Variants in CTNNA2 observed in about 807,000 individuals in gnomAD.
The protein encoded by CTNNA2 is catenin alpha 2.
Under a neutral mutation model 101.0 loss-of-function variants are expected in CTNNA2, and 42 were observed. The observed-to-expected ratio is 0.42, with a 90% CI of 0.32 to 0.54. CTNNA2 has a LOEUF of 0.54. CTNNA2 is among the 20% of genes least tolerant of loss of function. The probability of loss-of-function intolerance (pLI) is 0.14; values close to 1 mark genes in which losing one functional copy is unlikely to be tolerated. For missense variants in CTNNA2, 871 were observed against 1,223.1 expected (o/e 0.71, Z 4.29); for synonymous variants, 450 against 456.4 (o/e 0.99, Z 0.18).
intron 7 of CTNNA2, among the ~76,000 whole-genome samples, chr2:80,223,794 C>CCCATTT (rs1179140349): frequency 1.3e-5 from 2 of 152,164 alleles, no homozygotes. Context: ...GGCTTTGAAT[C>CCCATTT]AATGCTCATG....
chr2:80,356,082 A>C (rs2149307065), intron 7 of CTNNA2, among the ~76,000 whole-genome samples: 1 of 151,988 alleles, frequency 6.6e-6, no homozygotes, highest in Admixed American at 6.6e-5. Flanking sequence ...CTTTTGTTTC[A>C]CTTTGTTTCT....
At chr2:79,848,973 A>AC (rs1344048116) in intron 3 of CTNNA2, among the ~76,000 whole-genome samples, 35 of 151,158 alleles carry the variant, frequency 2.3e-4, no homozygotes, top group Non-Finnish European at 4.4e-4. Context: ...AGGGATGCTG[A>AC]CCCCCACCAA....
intron 16 of CTNNA2, 118 bp downstream of exon 16, chr2:80,604,297 A>T: frequency 1.4e-6 from 1 of 737,826 alleles, no homozygotes; most frequent in Non-Finnish European, 2.3e-6. Context: ...CAGAGGGGAG[A>T]ATCACTGATA....
chr2:79,479,033 T>C (rs1282078365), intron 4 of CTNNA2, among the ~76,000 whole-genome samples: 1 of 152,222 alleles, frequency 6.6e-6, no homozygotes, highest in Non-Finnish European at 1.5e-5. Context: ...TATATGAGCA[T>C]ATTAGCTTTA....
chr2:79,604,491 A>G (rs553815466), intron 1 of CTNNA2, among the ~76,000 whole-genome samples: 22 of 152,258 alleles, frequency 1.4e-4, no homozygotes, highest in African/African-American at 5.1e-4. Flanking sequence ...CTGAGTTGCA[A>G]TTGGGAGAAT....
chr2:79,618,490 T>A (rs1678785940), intron 1 of CTNNA2, among the ~76,000 whole-genome samples: 1 of 152,160 alleles, frequency 6.6e-6, no homozygotes, highest in East Asian at 1.9e-4. Flanking sequence ...AGTTCACTGA[T>A]GAGAAAAAAA....
chr2:80,285,984 A>G (rs771545509), intron 7 of CTNNA2, among the ~76,000 whole-genome samples: 22 of 152,132 alleles, frequency 1.4e-4, no homozygotes, highest in Non-Finnish European at 2.5e-4. Context: ...GTCAATTTCC[A>G]TAAAGATTTT....
intron 3 of CTNNA2, among the ~76,000 whole-genome samples, chr2:79,806,405 T>A (rs1676576198): frequency 6.6e-6 from 1 of 152,144 alleles, no homozygotes; most frequent in African/African-American, 2.4e-5. Flanking sequence ...AAGAATTGAT[T>A]CCTACAGTGT....
chr2:79,824,246 A>G (rs2105392842), intron 3 of CTNNA2, among the ~76,000 whole-genome samples: 1 of 152,276 alleles, frequency 6.6e-6, no homozygotes, highest in East Asian at 1.9e-4. Context: ...AGTTTCTCTG[A>G]ATCACCCAGA....
At chr2:80,508,719 T>C (rs1304576132) in intron 9 of CTNNA2, among the ~76,000 whole-genome samples, 1 of 151,972 alleles carries the variant, frequency 6.6e-6, no homozygotes, top group African/African-American at 2.4e-5. Flanking sequence ...ATTGTGTTTA[T>C]GTAGTGAAGG....
chr2:80,317,117 G>A (rs1678205418), intron 7 of CTNNA2, among the ~76,000 whole-genome samples: 1 of 152,104 alleles, frequency 6.6e-6, no homozygotes, highest in Non-Finnish European at 1.5e-5. Context: ...AACCAGACCT[G>A]GTCCAAGAGA....
intron 7 of CTNNA2, among the ~76,000 whole-genome samples, chr2:80,353,129 C>A (rs907547378): frequency 1.3e-5 from 2 of 152,010 alleles, no homozygotes; most frequent in African/African-American, 4.8e-5. Context: ...TTTATCATGG[C>A]CAGAGCGATC....
chr2:80,411,374 T>G (rs1209450674), intron 8 of CTNNA2, among the ~76,000 whole-genome samples: 1 of 152,108 alleles, frequency 6.6e-6, no homozygotes, highest in African/African-American at 2.4e-5. Context: ...AGGGATTCAT[T>G]AGGACTCAGC....
chr2:79,913,142 C>T (rs1316199318), intron 7 of CTNNA2, among the ~76,000 whole-genome samples: 1 of 152,154 alleles, frequency 6.6e-6, no homozygotes, highest in African/African-American at 2.4e-5. Flanking sequence ...GCAAGAGTCA[C>T]TTCAGATAGT....
At chr2:80,200,854 A>G (rs1573373316) in intron 7 of CTNNA2, among the ~76,000 whole-genome samples, 1 of 143,542 alleles carries the variant, frequency 7.0e-6, no homozygotes, top group East Asian at 2.0e-4. Flanking sequence ...GTTTTTGCCA[A>G]CCTGATAGCC....
chr2:79,432,001 C>A (rs1046674645), intron 4 of CTNNA2, among the ~76,000 whole-genome samples: 1 of 152,158 alleles, frequency 6.6e-6, no homozygotes, highest in East Asian at 1.9e-4. Flanking sequence ...TACAGTACTA[C>A]TGGAAAGATA....
intron 7 of CTNNA2, among the ~76,000 whole-genome samples, chr2:79,930,925 A>T (rs12470081): frequency 0.11 from 17,373 of 152,246 alleles, 1,300 homozygotes; most frequent in East Asian, 0.26. Flanking sequence ...CAGATTTTAG[A>T]GCTTGCTTTC....
chr2:79,651,738 A>T, intron 2 of CTNNA2, 80 bp downstream of exon 2: 1 of 1,184,292 alleles, frequency 8.4e-7, no homozygotes, highest in Non-Finnish European at 1.3e-6. Flanking sequence ...AAACTTAGAC[A>T]TCCTTAAAAG....
At chr2:80,099,764 A>AAG (rs1031632508) in intron 7 of CTNNA2, among the ~76,000 whole-genome samples, 1 of 151,718 alleles carries the variant, frequency 6.6e-6, no homozygotes, top group African/African-American at 2.4e-5. Flanking sequence ...TCAAAAAAAA[A>AAG]AAAAAACATT....
Sources: gnomAD v4.1 joint callset for allele counts (sites outside exome capture counted in the v4.1 genomes callset) on GRCh38, gnomAD v4.1.1 for gene constraint, MANE v1.5 for transcripts, NCBI Gene and HGNC (gene_info 2026-07-23, HGNC 2026-07-21) for gene names.